FUBP3: variants seen among roughly 807,000 people sequenced by gnomAD.
The protein encoded by FUBP3 is far upstream element binding protein 3, also known as far upstream element-binding protein 3.
In FUBP3, 28 loss-of-function variants were observed where a neutral mutation model predicts 85.6. The ratio of observed to expected loss-of-function variants is 0.33; its 90% CI spans 0.24 to 0.45. The LOEUF (loss-of-function observed/expected upper bound fraction) is 0.45, where lower values mean the gene tolerates loss of function less well. FUBP3 is among the 20% of genes least tolerant of loss of function. The probability of loss-of-function intolerance (pLI) is 1.00; values close to 1 mark genes in which losing one functional copy is unlikely to be tolerated. For missense variants in FUBP3, 583 were observed against 755.1 expected (o/e 0.77, Z 2.67); for synonymous variants, 271 against 271.4 (o/e 1.00, Z 0.01).
At position 130,637,028 on chromosome 9, in the gene FUBP3, C is replaced by T. The variant is rs767787403; in HGVS notation, c.*6C>T. 1.4e-5 allele frequency: 22 copies of T among 1,610,024 alleles called. No individual in the cohort carries two copies. The highest frequency in any genetic ancestry group is 8.8e-5 in the South Asian group (8 of 91,026). On this transcript the variant is annotated 3_prime_UTR_variant, in exon 19 of 19. Transcript: ENST00000319725. ...TCCGCCCACAGGAGCAGTAGGACAG[C>T]GTCCTCGTGGCCAACTCTCCCCTCA... is the stretch of plus-strand genomic sequence containing the variant.
intron 2 of FUBP3, among the ~76,000 whole-genome samples, chr9:130,607,439 G>A (rs1005507619): frequency 1.3e-5 from 2 of 152,140 alleles, no homozygotes; most frequent in East Asian, 3.9e-4. Flanking sequence ...TTGCTCCAAC[G>A]GGACCTTTAG....
intron 2 of FUBP3, among the ~76,000 whole-genome samples, chr9:130,596,922 A>G (rs1830901164): frequency 6.6e-6 from 1 of 152,104 alleles, no homozygotes; most frequent in South Asian, 2.1e-4. Context: ...CAAACAATCC[A>G]GTTACTCTCT....
chr9:130,580,399 A>C (rs962562994), intron 1 of FUBP3, among the ~76,000 whole-genome samples: 2 of 152,190 alleles, frequency 1.3e-5, no homozygotes, highest in African/African-American at 4.8e-5. Context: ...AATCAAAGTT[A>C]AATTAACTGG....
intron 10 of FUBP3, 47 bp downstream of exon 10, chr9:130,622,857 A>T: frequency 1.1e-6 from 1 of 883,720 alleles, no homozygotes; most frequent in Admixed American, 2.4e-5. Context: ...AAAAAAAAAA[A>T]TCCTTAGTGT....
chr9:130,614,370 C>A (rs753807291), intron 6 of FUBP3, 25 bp downstream of exon 6: 3 of 1,439,066 alleles, frequency 2.1e-6, no homozygotes, highest in Non-Finnish European at 2.9e-6. Flanking sequence ...TTTACTTTTT[C>A]TTTCACTCTT....
intron 12 of FUBP3, among the ~76,000 whole-genome samples, chr9:130,628,204 A>T (rs1309179089): frequency 6.6e-6 from 1 of 152,102 alleles, no homozygotes; most frequent in East Asian, 1.9e-4. Flanking sequence ...GAGGAGCCCC[A>T]CGCAGCCAGG....
At chr9:130,634,967 C>G (rs1454930653) in intron 17 of FUBP3, among the ~76,000 whole-genome samples, 1 of 152,194 alleles carries the variant, frequency 6.6e-6, no homozygotes, top group Non-Finnish European at 1.5e-5. Context: ...CACATCCCCT[C>G]CTCTTTATTC....
At position 130,623,725 on chromosome 9, in the gene FUBP3, T is replaced by C. The variant is rs767367068; in HGVS notation, c.975+14T>C. On this transcript the variant is annotated intron_variant, in intron 11 of 18. Coordinates refer to ENST00000319725, the MANE Select transcript of FUBP3 (RefSeq NM_003934.2). Reference sequence around the variant, plus strand: ...CTTACAGCCCAGGTGGGTCCAGCTCTGCAGAGTGTGAGTGTTTGGGCTGCA... The same window carrying C: ...CTTACAGCCCAGGTGGGTCCAGCTCCGCAGAGTGTGAGTGTTTGGGCTGCA... The C allele has an allele frequency of 6.4e-7, 1 of 1,565,998 alleles. No individual in the cohort carries two copies. Among genetic ancestry groups the C allele is most frequent in the East Asian group, 2.2e-5 (1 of 44,598 alleles).
In FUBP3 at chr9:130,629,887, CAGA is replaced by C. The variant is rs556800893; in HGVS notation, c.1118-733_1118-731del. Among the ~76,000 whole-genome samples, 533 of 152,368 alleles carry C rather than the reference CAGA, an allele frequency of 3.5e-3. 4 individuals carry two copies. The highest frequency in any genetic ancestry group is 5.5e-3 in the Non-Finnish European group (377 of 68,040). ...GCAGATCCGCAAGTTCTGTGAATTTCAGAAGAAGAATCCAACTATTGTTACGCT... is the reference window on the plus strand; with the variant it reads ...GCAGATCCGCAAGTTCTGTGAATTTCAGAAGAATCCAACTATTGTTACGCT... On this transcript the variant is annotated intron_variant, in intron 12 of 18. Coordinates refer to ENST00000319725, the MANE Select transcript of FUBP3 (RefSeq NM_003934.2).
intron 2 of FUBP3, among the ~76,000 whole-genome samples, chr9:130,599,079 T>C (rs1304848143): frequency 6.6e-6 from 1 of 152,148 alleles, no homozygotes; most frequent in Non-Finnish European, 1.5e-5. Flanking sequence ...AATCACGAGG[T>C]CAGGAGATTG....
rs561685671 is a variant in FUBP3, at chr9:130,580,269, A to G, written c.84+505A>G. Reference sequence around the variant, plus strand: ...GAGAGGTGAGAGAGGGAGGTGTTACATGTGTGGGGGTGGTCCCCAAGATGT... The same window carrying G: ...GAGAGGTGAGAGAGGGAGGTGTTACGTGTGTGGGGGTGGTCCCCAAGATGT... On this transcript the variant is annotated intron_variant, in intron 1 of 18. Transcript: ENST00000319725. 6.6e-5 allele frequency among the ~76,000 whole-genome samples: 10 copies of G among 152,310 alleles called. No homozygotes were observed. The East Asian group carries it at 1.9e-3, about 29-fold the overall frequency.
Position 130,612,382 on chromosome 9 carries a change from G to A in FUBP3, c.225-74G>A. ...TTTATCATGCAACATTGCCAGTATG[G>A]GCAGTTTGGGGACCTAAAATGGCTG... On this transcript the variant is annotated intron_variant, in intron 3 of 18. Transcript: ENST00000319725. The surrounding 1 kb of genome is among the most constrained non-coding windows in gnomAD (Gnocchi z 4.1). 2 of 866,982 alleles carry A rather than the reference G, an allele frequency of 2.3e-6. No individual in the cohort carries two copies. The highest frequency in any genetic ancestry group is 1.4e-5 in the South Asian group (1 of 69,996). 53.7% of individuals were successfully genotyped at this position (866,982 alleles called of 1,614,324 possible).
Position 130,617,765 on chromosome 9 carries a change from C to T in FUBP3, c.568-32C>T, listed in dbSNP as rs368776902. On this transcript the variant is annotated intron_variant, in intron 7 of 18. Coordinates refer to ENST00000319725, the MANE Select transcript of FUBP3 (RefSeq NM_003934.2). ...CCTGCATTTCATGCCCTGCATTATT[C>T]ATGAGGCTGTGCTGGTGTGTGTTCC... The T allele has an allele frequency of 4.2e-4, 533 of 1,282,722 alleles. 1 individual carries two copies. The highest frequency in any genetic ancestry group is 5.7e-4 in the Admixed American group (34 of 59,608). 79.5% of individuals were successfully genotyped at this position (1,282,722 alleles called of 1,614,324 possible).
At position 130,609,999 on chromosome 9, in the gene FUBP3, G is replaced by A. The variant is rs1831658866; in HGVS notation, c.224+12G>A. 1.3e-6 allele frequency: 2 copies of A among 1,580,454 alleles called. No homozygotes were observed. Among genetic ancestry groups the A allele is most frequent in the East Asian group, 2.2e-5 (1 of 44,730 alleles). On this transcript the variant is annotated intron_variant, in intron 3 of 18. Transcript: ENST00000319725. ...TTGGTACATCAAAGGTAAGCAGTGG[G>A]TTACGTTTTATTATTTATTGATCAT...
At chr9:130,589,705 A>ATTTTTTT (rs779633795) in intron 1 of FUBP3, among the ~76,000 whole-genome samples, 4 of 73,828 alleles carry the variant, frequency 5.4e-5, no homozygotes, top group East Asian at 3.3e-4. Flanking sequence ...ATATATATAT[A>ATTTTTTT]TTTTTTTTTT....
intron 2 of FUBP3, among the ~76,000 whole-genome samples, chr9:130,597,712 C>A (rs376212384): frequency 6.6e-6 from 1 of 152,184 alleles, no homozygotes; most frequent in Non-Finnish European, 1.5e-5. Context: ...TCAAATTCTA[C>A]ACGTGGAGAA....
intron 2 of FUBP3, among the ~76,000 whole-genome samples, chr9:130,603,121 A>G (rs1472018025): frequency 6.6e-6 from 1 of 151,990 alleles, no homozygotes; most frequent in African/African-American, 2.4e-5. Flanking sequence ...CTGAAGCGGG[A>G]GGATCACCTG....
intron 3 of FUBP3, among the ~76,000 whole-genome samples, chr9:130,610,461 G>A (rs1423017488): frequency 1.3e-5 from 2 of 152,176 alleles, no homozygotes; most frequent in African/African-American, 2.4e-5. Flanking sequence ...CCATCCTTCC[G>A]AAGTGGTAGG....
At chr9:130,618,535 G>T (rs1832127365) in intron 8 of FUBP3, among the ~76,000 whole-genome samples, 1 of 152,244 alleles carries the variant, frequency 6.6e-6, no homozygotes, top group Non-Finnish European at 1.5e-5. Context: ...ATCCCCTGGG[G>T]TGGTCCTGTC....
Sources: allele counts gnomAD v4.1 joint callset (sites outside exome capture counted in the v4.1 genomes callset), GRCh38; gene constraint gnomAD v4.1.1; non-coding constraint Gnocchi (gnomAD v3.1); transcripts MANE v1.5; gene names NCBI Gene and HGNC (gene_info 2026-07-23, HGNC 2026-07-21).